Variants in ANKRD44 observed in about 807,000 individuals in gnomAD.
The protein encoded by ANKRD44 is serine/threonine-protein phosphatase 6 regulatory ankyrin repeat subunit B.
ANKRD44 carries 35 observed loss-of-function variants against 116.0 expected under a neutral mutation model. The observed-to-expected ratio is 0.30, with a 90% CI of 0.23 to 0.40. The LOEUF (loss-of-function observed/expected upper bound fraction) is 0.40. ANKRD44 is among the 10% of genes least tolerant of loss of function. The pLI is 1.00. For missense variants in ANKRD44, 1,014 were observed against 1,242.6 expected (o/e 0.82, Z 2.77); for synonymous variants, 435 against 461.8 (o/e 0.94, Z 0.74).
intron 9 of ANKRD44, among the ~76,000 whole-genome samples, chr2:197,100,162 C>A (rs1314372150): frequency 6.6e-6 from 1 of 152,164 alleles, no homozygotes; most frequent in Non-Finnish European, 1.5e-5. Context: ...TGAGGCCGGG[C>A]GTGGTGGCTA....
At position 197,090,050 on chromosome 2, in the gene ANKRD44, A is replaced by C; in HGVS notation, c.1101-18T>G. The stretch of plus-strand genomic sequence containing the variant: ...TTCCACACCTGAGGAGTAAGAAAAC[A>C]GAGCAACTCACGGCAACAGATCTCA... On this transcript the variant is annotated intron_variant, in intron 10 of 27. Transcript: ENST00000282272. 1.3e-6 allele frequency: 2 copies of C among 1,595,596 alleles called. No individual in the cohort carries two copies. Among genetic ancestry groups the C allele is most frequent in the South Asian group, 2.2e-5 (2 of 90,656 alleles).
At chr2:197,108,004 C>G (rs1442338950) in intron 9 of ANKRD44, among the ~76,000 whole-genome samples, 3 of 152,214 alleles carry the variant, frequency 2.0e-5, no homozygotes, top group Non-Finnish European at 4.4e-5. Flanking sequence ...ACCAAAGCAT[C>G]CTTTTACAGG....
chr2:196,973,440 A>G (rs1244004001), intron 21 of ANKRD44, among the ~76,000 whole-genome samples: 1 of 152,156 alleles, frequency 6.6e-6, no homozygotes, highest in Admixed American at 6.5e-5. Context: ...ACATTTTTAT[A>G]TAATCAAATA....
At chr2:197,223,011 C>A (rs949330408) in intron 1 of ANKRD44, among the ~76,000 whole-genome samples, 1 of 151,970 alleles carries the variant, frequency 6.6e-6, no homozygotes, top group Non-Finnish European at 1.5e-5. Context: ...TAGGGTTTCA[C>A]CATGTTGGCC....
chr2:196,989,388 ATTACAT>A lies in ANKRD44; in HGVS notation c.*197_*202del. 8.6e-7 allele frequency: 1 copy of A among 1,161,462 alleles called. No homozygotes were observed. 71.9% of individuals were successfully genotyped at this position (1,161,462 alleles called of 1,614,324 possible). Reference sequence around the variant, plus strand: ...ACAACAAAGACTGGTACACAGAAAGATTACATTTAACTCCATAAAAAAGCTACTTCA... The same window carrying A: ...ACAACAAAGACTGGTACACAGAAAGATTAACTCCATAAAAAAGCTACTTCA... On this transcript the variant is annotated 3_prime_UTR_variant, in exon 28 of 28. Transcript: ENST00000282272.
intron 2 of ANKRD44, among the ~76,000 whole-genome samples, chr2:197,174,681 G>A (rs764365581): frequency 2.5e-4 from 38 of 152,208 alleles, no homozygotes; most frequent in African/African-American, 8.7e-4. Flanking sequence ...CTGTTCATGC[G>A]TTCCTAGCCA....
intron 1 of ANKRD44, among the ~76,000 whole-genome samples, chr2:197,254,593 A>G (rs1242114514): frequency 9.6e-6 from 1 of 103,630 alleles, no homozygotes; most frequent in Non-Finnish European, 2.0e-5. Flanking sequence ...ACACACATAC[A>G]TGCATACACA....
chr2:197,228,907 T>C lies in ANKRD44; in HGVS notation c.28-41801A>G, dbSNP rs573210162. On this transcript the variant is annotated intron_variant, in intron 1 of 27. Coordinates refer to ENST00000282272, the MANE Select transcript of ANKRD44 (RefSeq NM_001195144.2). ...AAAATTAGCTAGGCATGGTGGTGCA[T>C]GCCTGTAATCCCAGCTACTTGGGAG... 2.2e-3 allele frequency among the ~76,000 whole-genome samples: 341 copies of C among 152,308 alleles called. 1 individual carries two copies. Among genetic ancestry groups the C allele is most frequent in the African/African-American group, 7.6e-3 (314 of 41,564 alleles).
chr2:197,143,335 T>A (rs572282699), intron 3 of ANKRD44, among the ~76,000 whole-genome samples: 200 of 139,854 alleles, frequency 1.4e-3, no homozygotes, highest in Non-Finnish European at 2.7e-3. Context: ...TATCTCCTAA[T>A]GCTATCCCTC....
chr2:197,219,406 T>C (rs2081533583), intron 1 of ANKRD44, among the ~76,000 whole-genome samples: 2 of 152,174 alleles, frequency 1.3e-5, no homozygotes, highest in Non-Finnish European at 2.9e-5. Context: ...AAGTGGATAG[T>C]TCTGTGGCAT....
intron 21 of ANKRD44, among the ~76,000 whole-genome samples, chr2:196,978,335 A>G (rs1437299162): frequency 1.3e-5 from 2 of 152,214 alleles, no homozygotes; most frequent in Non-Finnish European, 2.9e-5. Context: ...CACCAGAAGC[A>G]GCTGCCAGCA....
intron 1 of ANKRD44, among the ~76,000 whole-genome samples, chr2:197,260,552 T>C (rs1171885806): frequency 6.6e-6 from 1 of 152,084 alleles, no homozygotes; most frequent in Non-Finnish European, 1.5e-5. Context: ...TACGTGTGCA[T>C]GTGTCTTTAT....
chr2:197,149,448 T>C (rs772992489), intron 2 of ANKRD44, among the ~76,000 whole-genome samples: 5 of 152,232 alleles, frequency 3.3e-5, no homozygotes, highest in Non-Finnish European at 7.3e-5. Context: ...AAAGGGTGTG[T>C]TGCATGAATA....
intron 2 of ANKRD44, among the ~76,000 whole-genome samples, chr2:197,151,123 C>CA (rs57630063): frequency 0.032 from 4,441 of 139,540 alleles, 233 homozygotes; most frequent in African/African-American, 0.11. Flanking sequence ...TGAAAATATG[C>CA]AAAAAAAAAA....
Position 196,999,563 on chromosome 2 carries a change from CTTATTTAT to C in ANKRD44, c.2520-519_2520-512del, listed in dbSNP as rs375324261. ...ATACACTTGGTCATGTGTACAGACA[CTTATTTAT>C]TTATTTATTTATTTATTTATTTATT... On this transcript the variant is annotated intron_variant, in intron 23 of 27. Transcript: ENST00000282272. 7.6e-3 allele frequency among the ~76,000 whole-genome samples: 1,059 copies of C among 138,444 alleles called. 6 individuals carry two copies. Among genetic ancestry groups the C allele is most frequent in the African/African-American group, 0.01 (387 of 37,648 alleles). 90.8% of individuals were successfully genotyped at this position (138,444 alleles called of 152,430 possible).
At chr2:196,990,284 C>T in intron 27 of ANKRD44, 1 of 989,182 alleles carries the variant, frequency 1.0e-6, no homozygotes, top group Non-Finnish European at 1.2e-6. Flanking sequence ...TCCCTTCCCT[C>T]CCAGGGGACA....
intron 9 of ANKRD44, among the ~76,000 whole-genome samples, chr2:197,105,560 G>A (rs945345207): frequency 1.3e-5 from 2 of 152,208 alleles, no homozygotes; most frequent in Non-Finnish European, 2.9e-5. Flanking sequence ...TAGGGCTGAG[G>A]AGACACATTG....
At chr2:197,185,815 G>A (rs1191000389) in intron 2 of ANKRD44, among the ~76,000 whole-genome samples, 1 of 152,138 alleles carries the variant, frequency 6.6e-6, no homozygotes, top group Admixed American at 6.5e-5. Flanking sequence ...GGGCACACAG[G>A]ATGCCTAGTT....
At chr2:197,130,747 A>G (rs893586563) in intron 4 of ANKRD44, among the ~76,000 whole-genome samples, 3 of 152,236 alleles carry the variant, frequency 2.0e-5, no homozygotes, top group South Asian at 2.1e-4. Context: ...AATGTTTCCA[A>G]TTCTCCTGTC....
Sources: gnomAD v4.1 joint callset for allele counts (sites outside exome capture counted in the v4.1 genomes callset) on GRCh38, gnomAD v4.1.1 for gene constraint, MANE v1.5 for transcripts, NCBI Gene and HGNC (gene_info 2026-07-23, HGNC 2026-07-21) for gene names.